Variants in DDR2 observed in about 807,000 individuals in gnomAD.
DDR2 encodes discoidin domain-containing receptor 2.
A neutral mutation model predicts 94.9 loss-of-function variants in DDR2; 27 were observed. The ratio of observed to expected loss-of-function variants is 0.28; its 90% CI spans 0.21 to 0.39. The LOEUF (loss-of-function observed/expected upper bound fraction) is 0.39, where lower values mean the gene tolerates loss of function less well. Among genes scored for constraint, DDR2 ranks in the 10% least tolerant of loss-of-function variants. The probability of loss-of-function intolerance (pLI) is 1.00; values close to 1 mark genes in which losing one functional copy is unlikely to be tolerated. For synonymous variants in DDR2, 382 were observed against 377.2 expected, an observed-to-expected ratio of 1.01 and a Z score of -0.15; for missense variants, 783 against 1,076.0, an observed-to-expected ratio of 0.73 and a Z score of 3.81.
chr1:162,764,820 C>T (rs57968300), intron 9 of DDR2, among the ~76,000 whole-genome samples: 17,859 of 147,752 alleles, frequency 0.12, 1,357 homozygotes, highest in Admixed American at 0.23. Context: ...GAGTGAGACC[C>T]TGTTTAAAAA....
chr1:162,663,075 A>G (rs1289241247), intron 2 of DDR2, among the ~76,000 whole-genome samples: 1 of 152,196 alleles, frequency 6.6e-6, no homozygotes, highest in East Asian at 1.9e-4. Context: ...GAAAGTGAAT[A>G]TGTAATAATT....
chr1:162,772,426 G>A, intron 13 of DDR2, 179 bp downstream of exon 13: 1 of 704,640 alleles, frequency 1.4e-6, no homozygotes, highest in South Asian at 1.8e-5. Context: ...TCAAATAGCT[G>A]TGGAGTTCCT....
intron 10 of DDR2, among the ~76,000 whole-genome samples, chr1:162,766,608 C>G (rs1179576839): frequency 1.3e-5 from 2 of 152,048 alleles, no homozygotes; most frequent in African/African-American, 4.8e-5. Flanking sequence ...GATTAAGGGA[C>G]TACAGACTCA....
At chr1:162,638,956 TTTTTTTC>T (rs1656979382) in intron 1 of DDR2, among the ~76,000 whole-genome samples, 1 of 152,190 alleles carries the variant, frequency 6.6e-6, no homozygotes, top group Admixed American at 6.5e-5. Context: ...TGATTCTTTT[TTTTTTTC>T]TTTTTTCTTT....
chr1:162,637,107 G>T (rs1035505418), intron 1 of DDR2, among the ~76,000 whole-genome samples: 2 of 151,936 alleles, frequency 1.3e-5, no homozygotes, highest in African/African-American at 4.8e-5. Context: ...AGTAGTTATT[G>T]GATGCCTAGT....
chr1:162,677,067 G>A (rs548554581), intron 2 of DDR2, among the ~76,000 whole-genome samples: 3 of 152,282 alleles, frequency 2.0e-5, no homozygotes, highest in South Asian at 2.1e-4. Context: ...AATATTATGC[G>A]AGATGTGGCC....
chr1:162,756,548 T>A (rs1663473973), intron 7 of DDR2, among the ~76,000 whole-genome samples: 2 of 152,230 alleles, frequency 1.3e-5, no homozygotes, highest in African/African-American at 4.8e-5. Flanking sequence ...TTGGTCTGCA[T>A]CTGCAAAGTG....
intron 2 of DDR2, among the ~76,000 whole-genome samples, chr1:162,700,494 C>T (rs1238350379): frequency 6.6e-6 from 1 of 152,152 alleles, no homozygotes; most frequent in East Asian, 1.9e-4. Context: ...GCAGCTAAGA[C>T]CTTGAAACTC....
intron 2 of DDR2, among the ~76,000 whole-genome samples, chr1:162,692,833 A>G (rs555154269): frequency 7.2e-5 from 11 of 152,360 alleles, no homozygotes; most frequent in Middle Eastern, 3.4e-3. Flanking sequence ...CTATAATCCA[A>G]TGAAAATGTA....
chr1:162,761,590 A>C, intron 9 of DDR2, 136 bp downstream of exon 9: 1 of 1,408,968 alleles, frequency 7.1e-7, no homozygotes, highest in South Asian at 1.2e-5. Context: ...GGATACGGTG[A>C]ATCCTTTGTG....
intron 2 of DDR2, among the ~76,000 whole-genome samples, chr1:162,697,040 G>T (rs192450883): frequency 6.6e-6 from 1 of 152,014 alleles, no homozygotes; most frequent in Non-Finnish European, 1.5e-5. Context: ...CTCATTCTGC[G>T]TAGGGGGTGG....
rs187417243 is a variant in DDR2 at position 162,731,591 on chromosome 1, T to C, written c.82+12446T>C. 2.7e-3 allele frequency among the ~76,000 whole-genome samples: 416 copies of C among 152,314 alleles called. 5 individuals are homozygous for C. Among genetic ancestry groups the C allele is most frequent in the Admixed American group, 3.9e-3 (59 of 15,302 alleles). The stretch of plus-strand genomic sequence containing the variant: ...AACAAGTGCAATTACTACCATGAAA[T>C]TGAGAGGCTGAAAGCTTAAGTAACC... On this transcript the variant is annotated intron_variant, in intron 3 of 17. Coordinates refer to ENST00000367921, the MANE Select transcript of DDR2 (RefSeq NM_006182.4).
upstream of DDR2, chr1:162,632,401 A>C (rs1557993778): frequency 6.6e-6 from 1 of 152,062 alleles, no homozygotes; most frequent in Non-Finnish European, 1.5e-5. Context: ...CCAAATGTGC[A>C]ATATATTGGA....
Position 162,766,038 on chromosome 1 carries a change from C to T in DDR2, c.1137C>T (p.Thr379=), listed in dbSNP as rs1328714057. The part of the protein sequence containing the change: ...AMYNNSEALP[T]SPMAPTTYDP... ...ACAACAACTCTGAAGCCCTGCCCAC[C>T]TCTCCTATGGCACCCACAACCTATG... Residue 379 remains threonine, a synonymous_variant, in exon 10 of 18, where the codon ACC becomes ACT. Coordinates refer to ENST00000367921, the MANE Select transcript of DDR2 (RefSeq NM_006182.4). 6.2e-7 allele frequency: 1 copy of T among 1,613,906 alleles called. No homozygotes were observed. Among genetic ancestry groups the T allele is most frequent in the Admixed American group, 1.7e-5 (1 of 59,976 alleles).
chr1:162,773,379 A>T (rs113747113), intron 13 of DDR2, 90 bp from the exon 14 acceptor site: 1 of 1,565,640 alleles, frequency 6.4e-7, no homozygotes, highest in African/African-American at 1.4e-5. Flanking sequence ...GAGTTGTAAG[A>T]GTTAGTTTAT....
chr1:162,751,652 C>T lies in DDR2; in HGVS notation c.83-1443C>T, dbSNP rs149389833. Among the ~76,000 whole-genome samples, 1,442 of 152,260 alleles carry T rather than the reference C, an allele frequency of 9.5e-3. 21 individuals are homozygous for T. The highest frequency in any genetic ancestry group is 0.033 in the African/African-American group (1,377 of 41,552). ...CCCAGCAATCCCATTACTGGGTATACACCCAAAGGATTATAAATCATGCTG... is the reference window on the plus strand; with the variant it reads ...CCCAGCAATCCCATTACTGGGTATATACCCAAAGGATTATAAATCATGCTG... On this transcript the variant is annotated intron_variant, in intron 3 of 17. Coordinates refer to ENST00000367921, the MANE Select transcript of DDR2 (RefSeq NM_006182.4).
At chr1:162,776,101 T>C in intron 15 of DDR2, 35 bp from the exon 16 acceptor site, 2 of 1,568,792 alleles carry the variant, frequency 1.3e-6, no homozygotes, top group Admixed American at 3.3e-5. Flanking sequence ...CCTGTTTCCA[T>C]AGGCTACCTT....
At chr1:162,755,641 A>T (rs2102138156) in intron 6 of DDR2, 23 bp from the exon 7 acceptor site, 1 of 1,609,402 alleles carries the variant, frequency 6.2e-7, no homozygotes, top group Non-Finnish European at 8.5e-7. Context: ...GTAGGCACTC[A>T]CTTGGCTGTG....
chr1:162,675,952 C>A (rs764234171), intron 2 of DDR2, among the ~76,000 whole-genome samples: 6 of 152,100 alleles, frequency 3.9e-5, no homozygotes, highest in Non-Finnish European at 8.8e-5. Context: ...GCAGTGTAGA[C>A]AGCCAAAGAC....
Sources: gnomAD v4.1 joint callset for allele counts (sites outside exome capture counted in the v4.1 genomes callset) on GRCh38, gnomAD v4.1.1 for gene constraint, MANE v1.5 for transcripts, NCBI Gene and HGNC (gene_info 2026-07-23, HGNC 2026-07-21) for gene names.